The following TENM3 variants were observed in gnomAD, a reference collection of about 807,000 sequenced individuals.
The protein encoded by TENM3 is teneurin-3.
A neutral mutation model predicts 255.1 loss-of-function variants in TENM3; 63 were observed. The observed-to-expected ratio is 0.25, with a 90% CI of 0.20 to 0.30. The LOEUF is 0.30. TENM3 is among the 10% of genes least tolerant of loss of function. The pLI, the probability that TENM3 is intolerant of heterozygous loss-of-function variation, is 1.00. For missense variants in TENM3, 2,929 were observed against 3,461.1 expected (o/e 0.85, Z 3.86); for synonymous variants, 1,306 against 1,322.3 (o/e 0.99, Z 0.27).
the TENM3 span, among the ~76,000 whole-genome samples, chr4:181,581,144 G>A: frequency 3.3e-5 from 5 of 151,784 alleles, no homozygotes; most frequent in East Asian, 5.8e-4. Context: ...TCAGTGAGGG[G>A]AAAAAAAACA....
At chr4:182,391,026 G>A (rs1340080928) in intron 3 of TENM3, among the ~76,000 whole-genome samples, 1 of 152,104 alleles carries the variant, frequency 6.6e-6, no homozygotes, top group Non-Finnish European at 1.5e-5. Context: ...CATGTTTCTT[G>A]TCCTTATCCT....
the TENM3 span, among the ~76,000 whole-genome samples, chr4:181,519,046 T>C: frequency 4.4e-4 from 67 of 152,280 alleles, no homozygotes; most frequent in Admixed American, 8.5e-4. Context: ...AAAAAAAATA[T>C]ATGTTTAACT....
chr4:181,928,468 A>G, the TENM3 span, among the ~76,000 whole-genome samples: 1 of 152,128 alleles, frequency 6.6e-6, no homozygotes, highest in Admixed American at 6.6e-5. Flanking sequence ...AAGCAGGAAG[A>G]CAAGATTGGA....
At chr4:182,616,378 G>T (rs959339928) in intron 4 of TENM3, among the ~76,000 whole-genome samples, 9 of 148,652 alleles carry the variant, frequency 6.1e-5, no homozygotes, top group East Asian at 2.0e-4. Flanking sequence ...GTGGTGGGGT[G>T]GGGGGAGTGG....
chr4:182,151,014 T>C (rs952225254), intron 1 of TENM3, among the ~76,000 whole-genome samples: 12 of 152,236 alleles, frequency 7.9e-5, no homozygotes, highest in African/African-American at 2.9e-4. Flanking sequence ...TCAACTAATA[T>C]TGTGACTAGA....
chr4:182,703,024 C>T (rs577646682), intron 12 of TENM3, among the ~76,000 whole-genome samples: 5 of 152,350 alleles, frequency 3.3e-5, no homozygotes, highest in Middle Eastern at 3.4e-3. Context: ...GCGTGAGCCA[C>T]CGCGCCTGGC....
intron 3 of TENM3, among the ~76,000 whole-genome samples, chr4:182,584,735 G>A (rs1212195183): frequency 6.6e-6 from 1 of 152,050 alleles, no homozygotes; most frequent in Non-Finnish European, 1.5e-5. Flanking sequence ...CACTTCCCTG[G>A]TTCAAGTGAC....
chr4:182,441,572 A>T (rs909600428), intron 3 of TENM3, among the ~76,000 whole-genome samples: 17 of 152,122 alleles, frequency 1.1e-4, no homozygotes, highest in African/African-American at 4.1e-4. Flanking sequence ...ATCTCCGCTC[A>T]CCACAACCTC....
At chr4:181,455,355 A>G in the TENM3 span, among the ~76,000 whole-genome samples, 1 of 152,132 alleles carries the variant, frequency 6.6e-6, no homozygotes, top group Non-Finnish European at 1.5e-5. Context: ...GAATATTTCT[A>G]GGTTCTAACA....
the TENM3 span, among the ~76,000 whole-genome samples, chr4:181,984,789 C>CGTGTGT: frequency 0.01 from 1,407 of 138,572 alleles, 24 homozygotes; most frequent in Admixed American, 0.037. Flanking sequence ...CTAAAAGAGT[C>CGTGTGT]GTGTGTGTGT....
the TENM3 span, among the ~76,000 whole-genome samples, chr4:181,944,445 T>C: frequency 6.6e-6 from 1 of 151,498 alleles, no homozygotes; most frequent in Admixed American, 6.6e-5. Context: ...GGGGATCCTT[T>C]TCACTCAGTC....
intron 3 of TENM3, among the ~76,000 whole-genome samples, chr4:182,373,400 C>G (rs1766976005): frequency 6.6e-6 from 1 of 152,168 alleles, no homozygotes; most frequent in African/African-American, 2.4e-5. Flanking sequence ...GTTCTGCAGA[C>G]TACACAAGAA....
chr4:182,148,543 A>G (rs777478066), intron 1 of TENM3, among the ~76,000 whole-genome samples: 4 of 152,100 alleles, frequency 2.6e-5, no homozygotes, highest in Non-Finnish European at 5.9e-5. Context: ...CTTTTGAGTC[A>G]TTAATAGTAA....
rs1256137293 is a variant in TENM3, at chr4:182,265,049, AG to A, written c.-76+21575del. On this transcript the variant is annotated intron_variant, in intron 1 of 27. Transcript: ENST00000511685. ...GCCTGGGACTCCTTGAGAAAAACAG[AG>A]GAGGCACCACAGACTCCGTTTTGGG... Among the ~76,000 whole-genome samples, 3 of 151,952 alleles carry A rather than the reference AG, an allele frequency of 2.0e-5. No homozygotes were observed. The South Asian group carries it at 6.2e-4, about 32-fold the overall frequency.
intron 2 of TENM3, among the ~76,000 whole-genome samples, chr4:182,340,283 C>T (rs138759995): frequency 7.2e-4 from 110 of 152,172 alleles, no homozygotes; most frequent in African/African-American, 2.5e-3. Context: ...TGATGATTGC[C>T]GAGGGGATGT....
the TENM3 span, among the ~76,000 whole-genome samples, chr4:181,688,975 C>G: frequency 1.3e-5 from 2 of 152,302 alleles, no homozygotes; most frequent in East Asian, 3.9e-4. Flanking sequence ...CAAATAATCT[C>G]TCCCCCATTC....
chr4:181,501,429 A>T, the TENM3 span, among the ~76,000 whole-genome samples: 1 of 147,628 alleles, frequency 6.8e-6, no homozygotes, highest in Non-Finnish European at 1.5e-5. Context: ...CCTGGGCTGG[A>T]GTGCAGTGGT....
the TENM3 span, among the ~76,000 whole-genome samples, chr4:181,604,805 T>G: frequency 6.6e-6 from 1 of 152,196 alleles, no homozygotes; most frequent in Non-Finnish European, 1.5e-5. Context: ...TAGCACAGAA[T>G]CAGGCTGTAG....
the TENM3 span, among the ~76,000 whole-genome samples, chr4:182,118,450 T>C: frequency 6.6e-6 from 1 of 152,050 alleles, no homozygotes; most frequent in African/African-American, 2.4e-5. Context: ...TTTTATTTTT[T>C]ATTTATTTTT....
Sources: gnomAD v4.1 joint callset for allele counts (sites outside exome capture counted in the v4.1 genomes callset) on GRCh38, gnomAD v4.1.1 for gene constraint, MANE v1.5 for transcripts, NCBI Gene and HGNC (gene_info 2026-07-23, HGNC 2026-07-21) for gene names.